RHOQ: variants seen among roughly 807,000 people sequenced by gnomAD.
The protein encoded by RHOQ is rho-related GTP-binding protein RhoQ.
RHOQ carries 7 observed loss-of-function variants against 25.8 expected under a neutral mutation model. That is an observed-to-expected ratio of 0.27 (90% CI 0.15 to 0.51). The LOEUF (loss-of-function observed/expected upper bound fraction) is 0.51, where lower values mean the gene tolerates loss of function less well. Ranked by LOEUF, RHOQ falls within the 20% of genes least tolerant of loss-of-function variation. The pLI is 0.97. For missense variants in RHOQ, 165 were observed against 260.6 expected (o/e 0.63, Z 2.53); for synonymous variants, 97 against 98.6 (o/e 0.98, Z 0.10).
At chr2:46,578,908 GTA>G (rs921857511) in intron 4 of RHOQ, among the ~76,000 whole-genome samples, 8 of 143,214 alleles carry the variant, frequency 5.6e-5, no homozygotes, top group Admixed American at 1.4e-4. Flanking sequence ...GTGTGTGTGT[GTA>G]TATGTATATA....
intron 2 of RHOQ, among the ~76,000 whole-genome samples, chr2:46,546,500 A>ATG (rs1668067905): frequency 9.9e-5 from 2 of 20,246 alleles, no homozygotes; most frequent in Non-Finnish European, 1.8e-4. Context: ...ATATATATAT[A>ATG]TATATATATA....
intron 2 of RHOQ, among the ~76,000 whole-genome samples, chr2:46,572,122 T>TG (rs1260778469): frequency 2.2e-5 from 3 of 139,314 alleles, no homozygotes; most frequent in Non-Finnish European, 4.6e-5. Context: ...TTTTTTTTTT[T>TG]TTTTTTTTTT....
chr2:46,549,114 A>G (rs1668161446), intron 2 of RHOQ, among the ~76,000 whole-genome samples: 1 of 152,026 alleles, frequency 6.6e-6, no homozygotes, highest in Admixed American at 6.5e-5. Context: ...TGGCTTCTCC[A>G]CTTCCATCAT....
chr2:46,546,758 G>T (rs1668083280), intron 2 of RHOQ, among the ~76,000 whole-genome samples: 1 of 151,900 alleles, frequency 6.6e-6, no homozygotes, highest in South Asian at 2.1e-4. Context: ...TGCATAGTGG[G>T]TGAGTGACAA....
At chr2:46,567,395 CTTT>C (rs939218964) in intron 2 of RHOQ, among the ~76,000 whole-genome samples, 1 of 145,458 alleles carries the variant, frequency 6.9e-6, no homozygotes, top group Non-Finnish European at 1.5e-5. Flanking sequence ...TCTTTTTCTT[CTTT>C]TTTTTTTTTC....
At chr2:46,561,653 T>C (rs189189405) in intron 2 of RHOQ, among the ~76,000 whole-genome samples, 174 of 152,164 alleles carry the variant, frequency 1.1e-3, no homozygotes, top group African/African-American at 3.7e-3. Flanking sequence ...CAAGGGCAGA[T>C]GTATTCTCTC....
At position 46,550,662 on chromosome 2, in the gene RHOQ, G is replaced by A. The variant is rs573939694; in HGVS notation, c.201+6850G>A. On this transcript the variant is annotated intron_variant, in intron 2 of 4. Transcript: ENST00000238738. ...TGTAGCTGTGAGACATCGGCCAGCC[G>A]GCTCACTTCTGTGAGCCTCTCTTCC... is the stretch of plus-strand genomic sequence containing the variant. Among the ~76,000 whole-genome samples, 17 of 152,300 alleles carry A rather than the reference G, an allele frequency of 1.1e-4. No individual in the cohort carries two copies. The South Asian group carries it at 2.3e-3, about 20-fold the overall frequency.
intron 2 of RHOQ, among the ~76,000 whole-genome samples, chr2:46,563,725 T>C (rs1030600519): frequency 1.3e-5 from 2 of 152,128 alleles, no homozygotes; most frequent in Non-Finnish European, 2.9e-5. Context: ...TGAGTGTGCA[T>C]GTGTGCATAC....
intron 2 of RHOQ, among the ~76,000 whole-genome samples, chr2:46,571,465 G>T (rs149188986): frequency 6.6e-6 from 1 of 152,186 alleles, no homozygotes; most frequent in Non-Finnish European, 1.5e-5. Flanking sequence ...CTTAATGAGA[G>T]AGCTTTGTAA....
chr2:46,562,960 A>G (rs1376771829), intron 2 of RHOQ, among the ~76,000 whole-genome samples: 1 of 152,234 alleles, frequency 6.6e-6, no homozygotes, highest in Non-Finnish European at 1.5e-5. Context: ...TTCGGTGGAC[A>G]TGGTTATAAA....
chr2:46,581,627 AT>A lies in RHOQ; in HGVS notation c.*545del, dbSNP rs778739438. The stretch of plus-strand genomic sequence containing the variant: ...AATGTATGAGATCAAAAAAGAACAA[AT>A]GTTTTATTATTACTTGAGCACAAGT... On this transcript the variant is annotated 3_prime_UTR_variant, in exon 5 of 5. Coordinates refer to ENST00000238738, the MANE Select transcript of RHOQ (RefSeq NM_012249.4). 3.1e-5 allele frequency: 50 copies of A among 1,597,562 alleles called. No homozygotes were observed. In the South Asian group the frequency reaches 4.1e-4, roughly 13 times the overall value.
In RHOQ at chr2:46,543,585, G is replaced by C. The variant is rs1024215763; in HGVS notation, c.143-169G>C. ...GGACCACATCACACCCCGGCCCTTTGCCGGTTCACAGTGAGCTGGCCGCAC... is the reference window on the plus strand; with the variant it reads ...GGACCACATCACACCCCGGCCCTTTCCCGGTTCACAGTGAGCTGGCCGCAC... On this transcript the variant is annotated intron_variant, in intron 1 of 4. Coordinates refer to ENST00000238738, the MANE Select transcript of RHOQ (RefSeq NM_012249.4). 2.9e-5 allele frequency: 19 copies of C among 650,230 alleles called. No homozygotes were observed. The Admixed American group carries it at 4.7e-4, about 16-fold the overall frequency. 40.3% of individuals were successfully genotyped at this position (650,230 alleles called of 1,614,324 possible).
chr2:46,583,994 A>G lies in RHOQ; in HGVS notation c.*2911A>G, dbSNP rs1223704696. ...ACTCTTGTTTTATCTCCACAGGTAC[A>G]TTTTAGGTTAGCTCATGGTGAATTC... On this transcript the variant is annotated 3_prime_UTR_variant, in exon 5 of 5. Transcript: ENST00000238738. 6.6e-6 allele frequency among the ~76,000 whole-genome samples: 1 copy of G among 152,166 alleles called. No homozygotes were observed. The highest frequency in any genetic ancestry group is 2.4e-5 in the African/African-American group (1 of 41,454).
At position 46,570,870 on chromosome 2, in the gene RHOQ, G is replaced by C. The variant is rs1337656901; in HGVS notation, c.202-5217G>C. Among the ~76,000 whole-genome samples the C allele has an allele frequency of 3.9e-5, 6 of 152,300 alleles. No homozygotes were observed. The South Asian group carries it at 6.2e-4, about 16-fold the overall frequency. ...TGTTCTAGGTTGTTTCTCATTCTAG[G>C]TTGTTACAGAGGAAAACTCTAGTAG... On this transcript the variant is annotated intron_variant, in intron 2 of 4. Coordinates refer to ENST00000238738, the MANE Select transcript of RHOQ (RefSeq NM_012249.4).
chr2:46,572,237 G>C (rs1668956289), intron 2 of RHOQ, among the ~76,000 whole-genome samples: 1 of 150,326 alleles, frequency 6.7e-6, no homozygotes, highest in Non-Finnish European at 1.5e-5. Flanking sequence ...TGAGTAGCTG[G>C]GACTGCAGGC....
In RHOQ at chr2:46,576,116, T is replaced by G. The variant is rs776209577; in HGVS notation, c.231T>G (p.Ser77=). The change falls in exon 3 of 5, where the codon TCT becomes TCG. Residue 77 remains serine, a synonymous_variant. Transcript: ENST00000238738. This position sits in a 1 kb window ranked among gnomAD's most constrained non-coding sequence, Gnocchi z 5.1. ...ACTATGACCGTCTGAGGCCTTTATC[T>G]TACCCAATGACCGATGTCTTCCTTA... The part of the protein sequence containing the change: ...QEDYDRLRPL[S]YPMTDVFLIC... 6.2e-7 allele frequency: 1 copy of G among 1,611,276 alleles called. No homozygotes were observed. Among genetic ancestry groups the G allele is most frequent in the South Asian group, 1.1e-5 (1 of 90,930 alleles).
intron 2 of RHOQ, among the ~76,000 whole-genome samples, chr2:46,570,864 T>C (rs1363421139): frequency 6.6e-6 from 1 of 152,258 alleles, no homozygotes; most frequent in Admixed American, 6.5e-5. Flanking sequence ...TTGTTTCTCA[T>C]TCTAGGTTGT....
chr2:46,566,804 G>A lies in RHOQ; in HGVS notation c.202-9283G>A, dbSNP rs9808496. On this transcript the variant is annotated intron_variant, in intron 2 of 4. Coordinates refer to ENST00000238738, the MANE Select transcript of RHOQ (RefSeq NM_012249.4). The surrounding 1 kb of genome is among the most constrained non-coding windows in gnomAD (Gnocchi z 4.2). The stretch of plus-strand genomic sequence containing the variant: ...TGTCTTGTTGTCTGTCTCCTTAAGC[G>A]GTCCCTCAGGTCTCAGGTTGAACAT... Among the ~76,000 whole-genome samples the A allele has an allele frequency of 0.13, 19,499 of 152,060 alleles. 1,758 individuals are homozygous for A. The highest frequency in any genetic ancestry group is 0.25 in the African/African-American group (10,486 of 41,432).
At chr2:46,562,204 A>T (rs946475064) in intron 2 of RHOQ, among the ~76,000 whole-genome samples, 1 of 151,922 alleles carries the variant, frequency 6.6e-6, no homozygotes, top group African/African-American at 2.4e-5. Flanking sequence ...CCTCATCCCC[A>T]CTGCTGCCAG....
Sources: gnomAD v4.1 joint callset for allele counts (sites outside exome capture counted in the v4.1 genomes callset) on GRCh38, gnomAD v4.1.1 for gene constraint, Gnocchi (gnomAD v3.1) non-coding constraint, MANE v1.5 for transcripts, NCBI Gene and HGNC (gene_info 2026-07-23, HGNC 2026-07-21) for gene names.